Variants in SYNRG observed in about 807,000 individuals in gnomAD.
The protein encoded by SYNRG is AP1 gamma subunit binding protein 1.
In SYNRG, 37 loss-of-function variants were observed where a neutral mutation model predicts 130.9. The observed-to-expected ratio is 0.28, with a 90% CI of 0.22 to 0.37. The LOEUF (loss-of-function observed/expected upper bound fraction) is 0.37. Ranked by LOEUF, SYNRG falls within the 10% of genes least tolerant of loss-of-function variation. The pLI is 1.00. For synonymous variants in SYNRG, 539 were observed against 568.1 expected (o/e 0.95, Z 0.73); for missense variants, 1,338 against 1,588.9 (o/e 0.84, Z 2.68).
chr17:37,593,273 T>C (rs2062369998), intron 3 of SYNRG, among the ~76,000 whole-genome samples: 1 of 151,870 alleles, frequency 6.6e-6, no homozygotes, highest in Non-Finnish European at 1.5e-5. Flanking sequence ...ATGAGCCAGA[T>C]GTGGTGGCAT....
chr17:37,540,857 A>C, intron 15 of SYNRG: 1 of 974,682 alleles, frequency 1.0e-6, no homozygotes, highest in Non-Finnish European at 1.2e-6. Flanking sequence ...CTGGTCTCGA[A>C]CTCCTGATCT....
At chr17:37,561,395 AC>A in intron 12 of SYNRG, 75 bp downstream of exon 12, 1 of 1,460,578 alleles carries the variant, frequency 6.8e-7, no homozygotes, top group Non-Finnish European at 9.6e-7. Context: ...ACAGAAGACC[AC>A]CACTTAAAGA....
At chr17:37,531,173 T>C (rs2056596213) in intron 19 of SYNRG, among the ~76,000 whole-genome samples, 1 of 152,140 alleles carries the variant, frequency 6.6e-6, no homozygotes, top group Non-Finnish European at 1.5e-5. Flanking sequence ...TTCAAGGCTG[T>C]AGTGAGCCGT....
At position 37,520,521 on chromosome 17, in the gene SYNRG, G is replaced by A. The variant is rs772311004; in HGVS notation, c.3777+17C>T. 1 of 1,610,576 alleles carries A rather than the reference G, an allele frequency of 6.2e-7. No individual in the cohort carries two copies. The highest frequency in any genetic ancestry group is 1.3e-5 in the African/African-American group (1 of 74,982). On this transcript the variant is annotated intron_variant, in intron 20 of 21. Coordinates refer to ENST00000612223, the MANE Select transcript of SYNRG (RefSeq NM_007247.6). Reference sequence around the variant, plus strand: ...AGGGAAGCCCTTTGCTGTCTGCAAGGAGGCTGCGTGACTTACCCGGCTCCT... The same window carrying A: ...AGGGAAGCCCTTTGCTGTCTGCAAGAAGGCTGCGTGACTTACCCGGCTCCT...
chr17:37,600,247 G>T (rs2063149853), intron 2 of SYNRG, 116 bp downstream of exon 2: 2 of 918,384 alleles, frequency 2.2e-6, no homozygotes, highest in Non-Finnish European at 3.2e-6. Context: ...TAAGAGTGCA[G>T]AAAATTTTAC....
chr17:37,519,084 AACAGAGATGT>A lies in SYNRG; in HGVS notation c.3814-23_3814-14del. 1 of 1,611,292 alleles carries A rather than the reference AACAGAGATGT, an allele frequency of 6.2e-7. No individual in the cohort carries two copies. The highest frequency in any genetic ancestry group is 8.5e-7 in the Non-Finnish European group (1 of 1,177,776). ...CTGAGTTGAATGCCTGCCAGAAATA[AACAGAGATGT>A]GGGGCAAGTCAGGCTTTTTCTGCAT... is the stretch of plus-strand genomic sequence containing the variant. On this transcript the variant is annotated splice_polypyrimidine_tract_variant and intron_variant, in intron 21 of 21. Coordinates refer to ENST00000612223, the MANE Select transcript of SYNRG (RefSeq NM_007247.6).
chr17:37,604,688 G>A (rs1184735136), intron 1 of SYNRG, among the ~76,000 whole-genome samples: 2 of 152,080 alleles, frequency 1.3e-5, no homozygotes, highest in East Asian at 1.9e-4. Context: ...AAGAGGCCTC[G>A]CTTTTGACCT....
At chr17:37,560,549 G>A (rs189114064) in intron 13 of SYNRG, among the ~76,000 whole-genome samples, 3 of 151,924 alleles carry the variant, frequency 2.0e-5, no homozygotes, top group Non-Finnish European at 2.9e-5. Context: ...ATGTTGGCCA[G>A]GCTTGTCTGG....
chr17:37,541,339 G>T, intron 15 of SYNRG: 1 of 779,264 alleles, frequency 1.3e-6, no homozygotes, highest in Non-Finnish European at 1.6e-6. Context: ...ACTTAAGTAG[G>T]TCCGCTGAGA....
At chr17:37,538,301 T>A (rs774713567) in intron 18 of SYNRG, 23 bp downstream of exon 18, 1 of 1,524,420 alleles carries the variant, frequency 6.6e-7, no homozygotes, top group South Asian at 1.2e-5. Flanking sequence ...TCATTTTCAA[T>A]AGTAAAATAT....
At position 37,536,100 on chromosome 17, in the gene SYNRG, T is replaced by C. The variant is rs2057163510; in HGVS notation, c.3545A>G (p.Lys1182Arg). The C allele has an allele frequency of 1.9e-6, 3 of 1,613,870 alleles. No individual in the cohort carries two copies. In the South Asian group the frequency reaches 3.3e-5, roughly 18 times the overall value. Residue 1182 changes from lysine (K) to arginine (R), a missense_variant, in exon 19 of 22, where the codon AAG (lysine) becomes AGG (arginine). Lys to Arg is a conservative substitution (Grantham distance 26). Transcript: ENST00000612223. ...GGCTTTTATCCCCAGCTCCACACGCTTGGTTACCCTGTACACTTCAACAAC... is the reference window on the plus strand; with the variant it reads ...GGCTTTTATCCCCAGCTCCACACGCCTGGTTACCCTGTACACTTCAACAAC... Reference protein sequence around the residue: ...LGVVEVYRVTKRVELGIKATA... With the variant: ...LGVVEVYRVTRRVELGIKATA...
At chr17:37,576,282 T>C in intron 8 of SYNRG, 59 bp downstream of exon 8, 1 of 1,538,092 alleles carries the variant, frequency 6.5e-7, no homozygotes, top group Non-Finnish European at 9.0e-7. Flanking sequence ...TACAACTACA[T>C]TTACAATATT....
In SYNRG at chr17:37,529,933, T is replaced by C. The variant is rs2056443133; in HGVS notation, c.3666+6046A>G. On this transcript the variant is annotated intron_variant, in intron 19 of 21. Coordinates refer to ENST00000612223, the MANE Select transcript of SYNRG (RefSeq NM_007247.6). ...AGTGTTAACTGCAGTAAGAACCGATTGCCACCCAAACAAAGAACCTTAAAA... is the reference window on the plus strand; with the variant it reads ...AGTGTTAACTGCAGTAAGAACCGATCGCCACCCAAACAAAGAACCTTAAAA... 7 of 1,260,370 alleles carry C rather than the reference T, an allele frequency of 5.6e-6. No homozygotes were observed. In the South Asian group the frequency reaches 9.3e-5, roughly 17 times the overall value. 78.1% of individuals were successfully genotyped at this position (1,260,370 alleles called of 1,614,324 possible). A position where few individuals can be genotyped will look rare whatever the true frequency, so the allele number is the denominator to read the frequency against.
rs1350001573 is a variant in SYNRG, at chr17:37,561,178, A to G, written c.1663+17T>C. 1.2e-6 allele frequency: 2 copies of G among 1,602,394 alleles called. No individual in the cohort carries two copies. The highest frequency in any genetic ancestry group is 1.7e-6 in the Non-Finnish European group (2 of 1,173,200). ...AAAATGGAAATAATTTATCCTTTTG[A>G]GGACTCAAAAACTTACCTAAAGGTT... On this transcript the variant is annotated intron_variant, in intron 13 of 21. Coordinates refer to ENST00000612223, the MANE Select transcript of SYNRG (RefSeq NM_007247.6).
chr17:37,577,254 A>G (rs1037762061), intron 7 of SYNRG, 126 bp downstream of exon 7: 1 of 831,048 alleles, frequency 1.2e-6, no homozygotes, highest in Non-Finnish European at 1.9e-6. Context: ...TGCATTAAAT[A>G]TATTTCAAGC....
chr17:37,533,296 T>C (rs1259347370), intron 19 of SYNRG, among the ~76,000 whole-genome samples: 1 of 151,610 alleles, frequency 6.6e-6, no homozygotes, highest in African/African-American at 2.4e-5. Flanking sequence ...AGCTACTCAG[T>C]AGGCTGAGGC....
intron 14 of SYNRG, among the ~76,000 whole-genome samples, chr17:37,550,911 A>C (rs1231244379): frequency 3.3e-5 from 5 of 152,176 alleles, no homozygotes; most frequent in African/African-American, 9.7e-5. Flanking sequence ...AGTCAGGGGG[A>C]AAAAACAGCC....
Position 37,570,648 on chromosome 17 carries a change from G to A in SYNRG, c.1336C>T (p.Pro446Ser). ...QASSGFIPTY[P>S]ANQVVKPEED... ...GCTTCGCCATTTACCTGATTTGCAG[G>A]GTAGGTTGGTATGAAACCACTAGAA... The change falls in exon 10 of 22, where the codon CCT (proline) becomes TCT (serine). Residue 446 changes from proline (P) to serine (S), a missense_variant. Around this residue, in one of 3 missense-constraint regions of SYNRG, gnomAD observed 1,146 missense variants for 1,342.3 expected, o/e 0.85. Coordinates refer to ENST00000612223, the MANE Select transcript of SYNRG (RefSeq NM_007247.6). 6.2e-7 allele frequency: 1 copy of A among 1,613,300 alleles called. No individual in the cohort carries two copies. The highest frequency in any genetic ancestry group is 1.1e-5 in the South Asian group (1 of 90,970).
At chr17:37,606,831 C>T (rs1368252139) in intron 1 of SYNRG, among the ~76,000 whole-genome samples, 2 of 152,084 alleles carry the variant, frequency 1.3e-5, no homozygotes, top group Non-Finnish European at 2.9e-5. Flanking sequence ...CTAAACAATA[C>T]AGTCAGTTAT....
Sources: allele counts gnomAD v4.1 joint callset (sites outside exome capture counted in the v4.1 genomes callset), GRCh38; gene constraint gnomAD v4.1.1; regional missense constraint gnomAD v4.1.1; transcripts MANE v1.5; gene names NCBI Gene and HGNC (gene_info 2026-07-23, HGNC 2026-07-21).